ICA1: variants seen among roughly 807,000 people sequenced by gnomAD.
ICA1 encodes the protein 69 kDa islet cell autoantigen.
A neutral mutation model predicts 71.0 loss-of-function variants in ICA1; 40 were observed. That is an observed-to-expected ratio of 0.56 (90% CI 0.44 to 0.73). ICA1 has a LOEUF of 0.73. Among genes scored for constraint, ICA1 ranks in the 30% least tolerant of loss-of-function variants. The pLI, the probability that ICA1 is intolerant of heterozygous loss-of-function variation, is 0.00. For synonymous variants in ICA1, 207 were observed against 209.5 expected, an observed-to-expected ratio of 0.99 and a Z score of 0.10; for missense variants, 578 against 576.5, an observed-to-expected ratio of 1.00 and a Z score of -0.03.
chr7:8,200,932 T>C (rs1266901296), intron 6 of ICA1, among the ~76,000 whole-genome samples: 2 of 152,240 alleles, frequency 1.3e-5, no homozygotes, highest in East Asian at 1.9e-4. Context: ...AAGTGTTTCA[T>C]GTCTGATCTA....
intron 6 of ICA1, among the ~76,000 whole-genome samples, chr7:8,215,681 A>G (rs530940188): frequency 6.6e-6 from 1 of 152,366 alleles, no homozygotes; most frequent in South Asian, 2.1e-4. Context: ...GGGAGATCAC[A>G]TCCATGAGGT....
In ICA1 at chr7:8,213,155, C is replaced by T. The variant is rs554051037; in HGVS notation, c.579+5150G>A. Among the ~76,000 whole-genome samples the T allele has an allele frequency of 7.2e-5, 11 of 152,180 alleles. No individual in the cohort carries two copies. In the East Asian group the frequency reaches 1.7e-3, roughly 24 times the overall value. ...CAACAAAACCTACAAATGAAAATGG[C>T]GAGTTATGAAACAAATACATTTAAG... On this transcript the variant is annotated intron_variant, in intron 6 of 13. Coordinates refer to ENST00000402384, the MANE Select transcript of ICA1 (RefSeq NM_001136020.3).
intron 8 of ICA1, among the ~76,000 whole-genome samples, chr7:8,154,387 C>G (rs1026478248): frequency 1.3e-5 from 2 of 152,182 alleles, no homozygotes; most frequent in Non-Finnish European, 2.9e-5. Flanking sequence ...GTGTTTAACA[C>G]ATTAATTATC....
intron 1 of ICA1, among the ~76,000 whole-genome samples, chr7:8,253,783 G>A (rs1265190069): frequency 6.6e-6 from 1 of 152,024 alleles, no homozygotes. Flanking sequence ...AGCTGAGGGT[G>A]GTCCTAGAAC....
chr7:8,256,388 A>G (rs1179239929), intron 1 of ICA1, among the ~76,000 whole-genome samples: 1 of 150,494 alleles, frequency 6.6e-6, no homozygotes, highest in African/African-American at 2.5e-5. Context: ...TCTCCTCCCC[A>G]CCCTCCGATA....
At chr7:8,161,086 A>T in intron 6 of ICA1, among the ~76,000 whole-genome samples, 1 of 152,182 alleles carries the variant, frequency 6.6e-6, no homozygotes, top group East Asian at 1.9e-4. Flanking sequence ...TGGGAGTCGG[A>T]GCTTTCAAGT....
intron 6 of ICA1, among the ~76,000 whole-genome samples, chr7:8,210,348 C>CT (rs1793231939): frequency 6.6e-6 from 1 of 152,220 alleles, no homozygotes; most frequent in African/African-American, 2.4e-5. Flanking sequence ...GCTTAAATGT[C>CT]TGTCATTTTG....
At chr7:8,199,805 G>A (rs144281844) in intron 6 of ICA1, among the ~76,000 whole-genome samples, 1,532 of 152,312 alleles carry the variant, frequency 0.01, 12 homozygotes, top group Non-Finnish European at 0.016. Context: ...AATAAGCCAG[G>A]CACAGAAAGA....
In ICA1 at chr7:8,246,744, T is replaced by A. The variant is rs762672572; in HGVS notation, c.-79-10739A>T. Reference sequence around the variant, plus strand: ...CTGTGCTCCTGTGCAATAACTATGCTCATTTTTCCTTTTATTTTTTGAGAC... The same window carrying A: ...CTGTGCTCCTGTGCAATAACTATGCACATTTTTCCTTTTATTTTTTGAGAC... On this transcript the variant is annotated intron_variant, in intron 1 of 13. Coordinates refer to ENST00000402384, the MANE Select transcript of ICA1 (RefSeq NM_001136020.3). 1.4e-4 allele frequency among the ~76,000 whole-genome samples: 22 copies of A among 152,308 alleles called. No homozygotes were observed. In the Middle Eastern group the frequency reaches 0.017, roughly 118 times the overall value.
intron 6 of ICA1, among the ~76,000 whole-genome samples, chr7:8,179,115 C>T (rs187715971): frequency 6.6e-6 from 1 of 152,300 alleles, no homozygotes; most frequent in African/African-American, 2.4e-5. Flanking sequence ...CCAGGCAACA[C>T]TGAAAGGCAA....
At chr7:8,242,965 A>G (rs1804533362) in intron 1 of ICA1, among the ~76,000 whole-genome samples, 1 of 152,258 alleles carries the variant, frequency 6.6e-6, no homozygotes, top group Non-Finnish European at 1.5e-5. Context: ...AGACGGATTC[A>G]CAGCCGAATT....
chr7:8,240,607 A>T (rs1803455461), intron 1 of ICA1, among the ~76,000 whole-genome samples: 1 of 152,202 alleles, frequency 6.6e-6, no homozygotes, highest in Non-Finnish European at 1.5e-5. Flanking sequence ...GTAATAACAA[A>T]CTTCTCCGAG....
intron 8 of ICA1, among the ~76,000 whole-genome samples, chr7:8,150,535 G>A (rs1584571483): frequency 6.6e-6 from 1 of 152,142 alleles, no homozygotes; most frequent in South Asian, 2.1e-4. Context: ...CAGGCCTTTC[G>A]GCTATTACCA....
At chr7:8,149,555 A>G (rs1197829092) in intron 8 of ICA1, among the ~76,000 whole-genome samples, 1 of 152,264 alleles carries the variant, frequency 6.6e-6, no homozygotes, top group African/African-American at 2.4e-5. Context: ...GTATTAGGAA[A>G]ATAAAAGCAA....
intron 12 of ICA1, among the ~76,000 whole-genome samples, chr7:8,129,379 A>ATTTTT (rs1562557404): frequency 1.4e-5 from 2 of 143,682 alleles, no homozygotes; most frequent in African/African-American, 5.4e-5. Flanking sequence ...TTTTTTTTAA[A>ATTTTT]AAAAAAAAAG....
At chr7:8,252,646 A>G (rs1159433256) in intron 1 of ICA1, among the ~76,000 whole-genome samples, 1 of 151,748 alleles carries the variant, frequency 6.6e-6, no homozygotes, top group Non-Finnish European at 1.5e-5. Flanking sequence ...TAATAAATCC[A>G]TGTATTTATA....
Position 8,159,774 on chromosome 7 carries a change from C to T in ICA1, c.580-1122G>A, listed in dbSNP as rs190833445. Among the ~76,000 whole-genome samples the T allele has an allele frequency of 1.4e-4, 21 of 152,220 alleles. No individual in the cohort carries two copies. In the East Asian group the frequency reaches 3.9e-3, roughly 28 times the overall value. ...AATATGAAGTTAAAATTACACCCTC[C>T]TTCAATCTATAGTGTCAACACAGCA... On this transcript the variant is annotated intron_variant, in intron 6 of 13. Coordinates refer to ENST00000402384, the MANE Select transcript of ICA1 (RefSeq NM_001136020.3).
chr7:8,153,836 A>AATATAT (rs33924786), intron 8 of ICA1, among the ~76,000 whole-genome samples: 3,460 of 137,142 alleles, frequency 0.025, 136 homozygotes, highest in African/African-American at 0.076. Flanking sequence ...ACTCATGCAG[A>AATATAT]ATATATATAT....
intron 1 of ICA1, among the ~76,000 whole-genome samples, chr7:8,246,888 A>G (rs1330153969): frequency 6.6e-6 from 1 of 152,180 alleles, no homozygotes; most frequent in Non-Finnish European, 1.5e-5. Context: ...CTGGAACTAC[A>G]GGCATGTGCC....
Sources: gnomAD v4.1 joint callset for allele counts (sites outside exome capture counted in the v4.1 genomes callset) on GRCh38, gnomAD v4.1.1 for gene constraint, MANE v1.5 for transcripts, NCBI Gene and HGNC (gene_info 2026-07-23, HGNC 2026-07-21) for gene names.